Variants in SIPA1L1 observed in about 807,000 individuals in gnomAD.
The protein encoded by SIPA1L1 is signal-induced proliferation-associated 1-like protein 1.
A neutral mutation model predicts 162.7 loss-of-function variants in SIPA1L1; 26 were observed. That is an observed-to-expected ratio of 0.16 (90% CI 0.12 to 0.22). The LOEUF (loss-of-function observed/expected upper bound fraction) is 0.22, where lower values mean the gene tolerates loss of function less well. Among genes scored for constraint, SIPA1L1 ranks in the 10% least tolerant of loss-of-function variants. The pLI is 1.00. For missense variants in SIPA1L1, 1,874 were observed against 2,241.0 expected, an observed-to-expected ratio of 0.84 and a Z score of 3.31; for synonymous variants, 829 against 837.4, an observed-to-expected ratio of 0.99 and a Z score of 0.17.
At chr14:71,657,176 C>T (rs759179952) in intron 8 of SIPA1L1, among the ~76,000 whole-genome samples, 20 of 151,904 alleles carry the variant, frequency 1.3e-4, no homozygotes, top group East Asian at 5.8e-4. Context: ...GGTGAAACCC[C>T]GTCTCTACTA....
intron 2 of SIPA1L1, among the ~76,000 whole-genome samples, chr14:71,375,863 A>G (rs1207697405): frequency 6.6e-6 from 1 of 152,132 alleles, no homozygotes; most frequent in Non-Finnish European, 1.5e-5. Flanking sequence ...AATATGATGT[A>G]TTACACGGAT....
intron 2 of SIPA1L1, chr14:71,379,550 G>C (rs1196804579): frequency 6.6e-6 from 1 of 151,942 alleles, no homozygotes. Flanking sequence ...TCCTACCTCA[G>C]CCTTCCAAAG....
intron 4 of SIPA1L1, among the ~76,000 whole-genome samples, chr14:71,531,163 G>A (rs540310553): frequency 6.6e-6 from 1 of 152,236 alleles, no homozygotes; most frequent in East Asian, 1.9e-4. Flanking sequence ...GATCAATTGT[G>A]TCATTAATGA....
chr14:71,456,389 A>G (rs2046190583), intron 2 of SIPA1L1, among the ~76,000 whole-genome samples: 1 of 152,268 alleles, frequency 6.6e-6, no homozygotes, highest in Non-Finnish European at 1.5e-5. Context: ...TATTAAAAAT[A>G]CAACCCTATC....
intron 2 of SIPA1L1, among the ~76,000 whole-genome samples, chr14:71,438,740 A>T (rs953891030): frequency 6.6e-6 from 1 of 151,992 alleles, no homozygotes; most frequent in Admixed American, 6.6e-5. Flanking sequence ...GGAATCTGGG[A>T]ATTAAGGAAG....
intron 2 of SIPA1L1, among the ~76,000 whole-genome samples, chr14:71,480,621 G>T (rs1253078350): frequency 6.6e-6 from 1 of 151,842 alleles, no homozygotes; most frequent in Non-Finnish European, 1.5e-5. Flanking sequence ...AATTAGCTGG[G>T]CTTGGTGGTG....
At chr14:71,454,241 T>G (rs1187978875) in intron 2 of SIPA1L1, among the ~76,000 whole-genome samples, 1 of 152,092 alleles carries the variant, frequency 6.6e-6, no homozygotes, top group African/African-American at 2.4e-5. Flanking sequence ...GGAGGTCACA[T>G]AATTAGAAAG....
At chr14:71,453,335 C>T (rs1010080868) in intron 2 of SIPA1L1, among the ~76,000 whole-genome samples, 11 of 152,128 alleles carry the variant, frequency 7.2e-5, no homozygotes, top group Non-Finnish European at 1.5e-4. Context: ...ACGATCTCAG[C>T]TCACTGCAGC....
At chr14:71,594,980 C>T (rs1304604540) in intron 5 of SIPA1L1, among the ~76,000 whole-genome samples, 1 of 152,174 alleles carries the variant, frequency 6.6e-6, no homozygotes, top group Non-Finnish European at 1.5e-5. Context: ...CAGAGGTCCT[C>T]TCTTTTCTTC....
At chr14:71,691,849 A>G (rs1469571111) in intron 13 of SIPA1L1, among the ~76,000 whole-genome samples, 1 of 152,174 alleles carries the variant, frequency 6.6e-6, no homozygotes, top group Non-Finnish European at 1.5e-5. Context: ...TAATTGCCTC[A>G]CTAGGAATGT....
intron 4 of SIPA1L1, among the ~76,000 whole-genome samples, chr14:71,552,057 C>T (rs1351918661): frequency 1.3e-5 from 2 of 152,204 alleles, no homozygotes; most frequent in Non-Finnish European, 2.9e-5. Context: ...TCACTCTCCC[C>T]TACTAGACTG....
At chr14:71,694,540 G>A (rs952916143) in intron 13 of SIPA1L1, among the ~76,000 whole-genome samples, 12 of 151,952 alleles carry the variant, frequency 7.9e-5, no homozygotes, top group South Asian at 6.2e-4. Flanking sequence ...AAGCCCCAGA[G>A]GATGTTTAGT....
At chr14:71,567,321 T>C (rs183671231) in intron 4 of SIPA1L1, among the ~76,000 whole-genome samples, 26 of 152,198 alleles carry the variant, frequency 1.7e-4, no homozygotes, top group African/African-American at 6.3e-4. Context: ...CCTCCTATCA[T>C]TGTTTTTAAT....
intron 20 of SIPA1L1, among the ~76,000 whole-genome samples, chr14:71,731,718 C>T (rs1467069045): frequency 1.3e-5 from 2 of 152,232 alleles, no homozygotes; most frequent in African/African-American, 2.4e-5. Context: ...GTGTCCCACA[C>T]GTGGTCATTG....
chr14:71,514,914 A>G (rs1035508647), intron 3 of SIPA1L1, among the ~76,000 whole-genome samples: 1 of 152,256 alleles, frequency 6.6e-6, no homozygotes, highest in Non-Finnish European at 1.5e-5. Flanking sequence ...GATGTCATCA[A>G]ACATCCAAAT....
At chr14:71,368,213 G>C (rs1365003283) in intron 2 of SIPA1L1, among the ~76,000 whole-genome samples, 35 of 137,626 alleles carry the variant, frequency 2.5e-4, no homozygotes, top group Admixed American at 8.2e-4. Flanking sequence ...ACATTGTGCA[G>C]GTTAGTTACA....
intron 2 of SIPA1L1, among the ~76,000 whole-genome samples, chr14:71,397,538 CATACAGGCACAT>C (rs2041305216): frequency 6.6e-6 from 1 of 152,058 alleles, no homozygotes; most frequent in African/African-American, 2.4e-5. Context: ...TGTGTGCACA[CATACAGGCACAT>C]ATGGTTTTGA....
chr14:71,508,406 C>T (rs2050851357), intron 2 of SIPA1L1, among the ~76,000 whole-genome samples: 1 of 152,040 alleles, frequency 6.6e-6, no homozygotes, highest in Non-Finnish European at 1.5e-5. Flanking sequence ...CTTAACACCT[C>T]CTCACCTCAT....
At chr14:71,705,879 G>A (rs1011904510) in intron 16 of SIPA1L1, among the ~76,000 whole-genome samples, 2 of 151,936 alleles carry the variant, frequency 1.3e-5, no homozygotes, top group African/African-American at 4.8e-5. Context: ...GTAAAATTGG[G>A]AATATGAGGT....
Sources: allele counts gnomAD v4.1 joint callset (sites outside exome capture counted in the v4.1 genomes callset), GRCh38; gene constraint gnomAD v4.1.1; transcripts MANE v1.5; gene names NCBI Gene and HGNC (gene_info 2026-07-23, HGNC 2026-07-21).